ART3: variants seen among roughly 807,000 people sequenced by gnomAD.
ART3 encodes the protein ADP-ribosyltransferase 3 (inactive).
In ART3, 49 loss-of-function variants were observed where a neutral mutation model predicts 48.5. The observed-to-expected ratio is 1.01, with a 90% CI of 0.80 to 1.28. The LOEUF (loss-of-function observed/expected upper bound fraction) is 1.28. Ranked by LOEUF, ART3 falls within the 50% of genes most tolerant of loss-of-function variation. The pLI is 0.00. For synonymous variants in ART3, 145 were observed against 157.2 expected, an observed-to-expected ratio of 0.92 and a Z score of 0.58; for missense variants, 438 against 454.3, an observed-to-expected ratio of 0.96 and a Z score of 0.33.
At chr4:76,020,483 C>A (rs190424813) in intron 1 of ART3, among the ~76,000 whole-genome samples, 1 of 152,020 alleles carries the variant, frequency 6.6e-6, no homozygotes, top group Admixed American at 6.6e-5. Context: ...TGAAGATCTT[C>A]TTAGTAAGTA....
intron 1 of ART3, among the ~76,000 whole-genome samples, chr4:76,028,926 T>C (rs1433413031): frequency 2.6e-5 from 4 of 152,160 alleles, no homozygotes; most frequent in Non-Finnish European, 2.9e-5. Context: ...GAGAGGACTT[T>C]TACAAATATG....
At chr4:76,093,305 T>C (rs1020438214) in intron 3 of ART3, among the ~76,000 whole-genome samples, 1 of 152,108 alleles carries the variant, frequency 6.6e-6, no homozygotes, top group Admixed American at 6.6e-5. Context: ...CATGCATCTG[T>C]AGTTCCAGCT....
chr4:76,104,380 C>A, intron 9 of ART3: 1 of 985,430 alleles, frequency 1.0e-6, no homozygotes, highest in Non-Finnish European at 1.2e-6. Flanking sequence ...CTGGCATAAA[C>A]ATGCTCAGTG....
intron 3 of ART3, among the ~76,000 whole-genome samples, chr4:76,092,686 T>A (rs189915157): frequency 6.6e-6 from 1 of 152,206 alleles, no homozygotes; most frequent in African/African-American, 2.4e-5. Context: ...GTTTTCATCA[T>A]ATTTGGAAAG....
intron 5 of ART3, chr4:76,099,304 A>C (rs977848454): frequency 5.9e-6 from 2 of 341,440 alleles, no homozygotes; most frequent in African/African-American, 4.3e-5. Flanking sequence ...CTCTGTCTCC[A>C]AAGTTAATAA....
chr4:76,021,777 AT>A (rs906499395), intron 1 of ART3: 48 of 745,476 alleles, frequency 6.4e-5, no homozygotes, highest in Non-Finnish European at 1.1e-4. Context: ...GTAGCAGCTG[AT>A]TTGGTGACCA....
chr4:76,022,659 G>T, intron 1 of ART3: 5 of 1,607,076 alleles, frequency 3.1e-6, no homozygotes, highest in Non-Finnish European at 4.3e-6. Context: ...ATTACAACCA[G>T]GGAAGTGATA....
upstream of ART3, among the ~76,000 whole-genome samples, chr4:76,070,291 A>G (rs1245756003): frequency 6.6e-6 from 1 of 152,226 alleles, no homozygotes; most frequent in Non-Finnish European, 1.5e-5. Flanking sequence ...TAGCTGTATC[A>G]TCTTGCATTC....
chr4:76,062,029 A>AGAGCATTT (rs1259098076), intron 1 of ART3, among the ~76,000 whole-genome samples: 1 of 152,224 alleles, frequency 6.6e-6, no homozygotes, highest in African/African-American at 2.4e-5. Flanking sequence ...TGCTAAGAAG[A>AGAGCATTT]GAGCATTTGA....
chr4:76,054,729 G>A (rs974589955), intron 1 of ART3, among the ~76,000 whole-genome samples: 1 of 152,122 alleles, frequency 6.6e-6, no homozygotes, highest in African/African-American at 2.4e-5. Context: ...ACCTATTTGG[G>A]AGGCTGAGGC....
At chr4:76,024,468 A>G (rs1371690618) in intron 1 of ART3, among the ~76,000 whole-genome samples, 1 of 152,238 alleles carries the variant, frequency 6.6e-6, no homozygotes. Flanking sequence ...CACAATTTTA[A>G]CTGGATGATG....
rs1729710264 is a variant in ART3 at position 76,112,703 on chromosome 4, T to G, written c.*184T>G. Reference sequence around the variant, plus strand: ...GTCCAGATATATGTCACAGAACTTTTCACTTGTATACTACTCTTACAATGG... The same window carrying G: ...GTCCAGATATATGTCACAGAACTTTGCACTTGTATACTACTCTTACAATGG... On this transcript the variant is annotated 3_prime_UTR_variant, in exon 12 of 12. Coordinates refer to ENST00000355810, the MANE Select transcript of ART3 (RefSeq NM_001130016.3). 1.7e-6 allele frequency: 1 copy of G among 577,926 alleles called. No individual in the cohort carries two copies. Among genetic ancestry groups the G allele is most frequent in the Non-Finnish European group, 2.8e-6 (1 of 355,258 alleles). 35.8% of individuals were successfully genotyped at this position (577,926 alleles called of 1,614,324 possible).
chr4:76,109,891 AAATCTG>A (rs1365268954), intron 11 of ART3, among the ~76,000 whole-genome samples: 1 of 152,184 alleles, frequency 6.6e-6, no homozygotes, highest in Non-Finnish European at 1.5e-5. Context: ...AGGCTTTTAC[AAATCTG>A]ACTGGCTATT....
chr4:76,021,829 T>C (rs747913501), intron 1 of ART3: 101 of 1,167,884 alleles, frequency 8.6e-5, no homozygotes, highest in Middle Eastern at 1.9e-4. Flanking sequence ...CTAAGAACAA[T>C]TATGGCTTGA....
intron 1 of ART3, among the ~76,000 whole-genome samples, chr4:76,011,667 T>C (rs903627886): frequency 6.6e-6 from 1 of 152,200 alleles, no homozygotes; most frequent in Non-Finnish European, 1.5e-5. Context: ...TTTTCTGAGA[T>C]AGCAAGCGGA....
At chr4:76,061,679 CA>C (rs1719230720) in intron 1 of ART3, among the ~76,000 whole-genome samples, 1 of 152,194 alleles carries the variant, frequency 6.6e-6, no homozygotes, top group Middle Eastern at 3.2e-3. Flanking sequence ...TAAAACATAT[CA>C]TGCTGTCCAG....
intron 3 of ART3, among the ~76,000 whole-genome samples, chr4:76,089,570 T>C (rs1042214760): frequency 1.3e-5 from 2 of 152,170 alleles, no homozygotes; most frequent in African/African-American, 4.8e-5. Flanking sequence ...ACGCTTCCTG[T>C]ACAGCCTGCC....
intron 1 of ART3, among the ~76,000 whole-genome samples, chr4:76,040,629 ACTGCATAAT>A (rs1734890840): frequency 6.6e-6 from 1 of 150,758 alleles, no homozygotes; most frequent in South Asian, 2.1e-4. Context: ...GAGGAAGACT[ACTGCATAAT>A]CTTCCTCACG....
intron 1 of ART3, among the ~76,000 whole-genome samples, chr4:76,062,441 G>A (rs1421067819): frequency 6.6e-6 from 1 of 151,902 alleles, no homozygotes; most frequent in African/African-American, 2.4e-5. Flanking sequence ...AGTTAATAAA[G>A]GCTAGCTATT....
Sources: gnomAD v4.1 joint callset for allele counts (sites outside exome capture counted in the v4.1 genomes callset) on GRCh38, gnomAD v4.1.1 for gene constraint, MANE v1.5 for transcripts, NCBI Gene and HGNC (gene_info 2026-07-23, HGNC 2026-07-21) for gene names.